ARHGAP21: variants seen among roughly 807,000 people sequenced by gnomAD.
The protein encoded by ARHGAP21 is rho GTPase-activating protein 21.
A neutral mutation model predicts 164.6 loss-of-function variants in ARHGAP21; 38 were observed. That is an observed-to-expected ratio of 0.23 (90% CI 0.18 to 0.30). The LOEUF is 0.30. Ranked by LOEUF, ARHGAP21 falls within the 10% of genes least tolerant of loss-of-function variation. The pLI, the probability that ARHGAP21 is intolerant of heterozygous loss-of-function variation, is 1.00. For missense variants in ARHGAP21, 1,822 were observed against 2,370.7 expected (o/e 0.77, Z 4.81); for synonymous variants, 766 against 857.9 (o/e 0.89, Z 1.87).
intron 4 of ARHGAP21, among the ~76,000 whole-genome samples, chr10:24,660,787 T>G (rs1839606569): frequency 6.6e-6 from 1 of 152,214 alleles, no homozygotes; most frequent in Non-Finnish European, 1.5e-5. Flanking sequence ...TCTCTGAATA[T>G]TTCCTTTTAT....
chr10:24,589,328 T>G, intron 24 of ARHGAP21, 26 bp from the exon 25 acceptor site: 1 of 1,600,780 alleles, frequency 6.2e-7, no homozygotes, highest in South Asian at 1.1e-5. Context: ...TAAAACATGG[T>G]CAGTATTAGC....
At chr10:24,631,159 T>C (rs796716625) in intron 6 of ARHGAP21, among the ~76,000 whole-genome samples, 3 of 152,100 alleles carry the variant, frequency 2.0e-5, no homozygotes, top group African/African-American at 7.2e-5. Flanking sequence ...AGGTCAGGAG[T>C]TCGAGACCAG....
rs778048970 is a variant in ARHGAP21 at position 24,585,172 on chromosome 10, T to C, written c.5117A>G (p.Lys1706Arg). 5.6e-6 allele frequency: 9 copies of C among 1,610,454 alleles called. No homozygotes were observed. In the Admixed American group the frequency reaches 1.5e-4, roughly 27 times the overall value. ...ATCTGACTTGAATCTAGCTGATTTT[T>C]TCCTGGAAAGAGTATCACATTCGAT... ...KLIECDTLSR[K>R]KSARFKSDSG... Residue 1706 changes from lysine (K) to arginine (R), a missense_variant, in exon 26 of 26, where the codon AAA becomes AGA. By Grantham distance (26) the Lys-to-Arg change is conservative. Around this residue, in one of 5 missense-constraint regions of ARHGAP21, gnomAD observed 117 missense variants for 193.2 expected, o/e 0.61. Coordinates refer to ENST00000396432, the MANE Select transcript of ARHGAP21 (RefSeq NM_020824.4).
rs1836486033 is a variant in ARHGAP21 at position 24,637,355 on chromosome 10, A to C, written c.269-2252T>G. Among the ~76,000 whole-genome samples the C allele has an allele frequency of 2.0e-5, 3 of 152,218 alleles. No homozygotes were observed. In the South Asian group the frequency reaches 6.2e-4, roughly 31 times the overall value. ...TCAGTCTGTGGTCAATCTAATATTTACAATAGTTGGCATTAAAGAAAAAAC... is the reference window on the plus strand; with the variant it reads ...TCAGTCTGTGGTCAATCTAATATTTCCAATAGTTGGCATTAAAGAAAAAAC... On this transcript the variant is annotated intron_variant, in intron 4 of 25. Coordinates refer to ENST00000396432, the MANE Select transcript of ARHGAP21 (RefSeq NM_020824.4).
At chr10:24,594,456 A>AT (rs1384520325) in intron 21 of ARHGAP21, among the ~76,000 whole-genome samples, 2 of 152,316 alleles carry the variant, frequency 1.3e-5, no homozygotes, top group East Asian at 3.9e-4. Context: ...CCTGGGCAAC[A>AT]TGGTGAGACC....
At chr10:24,677,150 G>A (rs935816699) in intron 2 of ARHGAP21, among the ~76,000 whole-genome samples, 2 of 152,182 alleles carry the variant, frequency 1.3e-5, no homozygotes, top group Non-Finnish European at 2.9e-5. Flanking sequence ...AACCCAGGAG[G>A]CGGAGGTTGC....
intron 9 of ARHGAP21, among the ~76,000 whole-genome samples, chr10:24,609,360 G>A (rs1593008002): frequency 6.6e-6 from 1 of 152,154 alleles, no homozygotes; most frequent in Non-Finnish European, 1.5e-5. Flanking sequence ...GAACATTTCT[G>A]AAACACACTG....
rs1292890650 is a variant in ARHGAP21 at position 24,591,310 on chromosome 10, G to T, written c.4065C>A (p.Ser1355Arg). 3.1e-6 allele frequency: 5 copies of T among 1,613,152 alleles called. No individual in the cohort carries two copies. Among genetic ancestry groups the T allele is most frequent in the Middle Eastern group, 1.8e-4 (1 of 5,526 alleles). ...EEPLTTVQEE[S>R]TVDSQPVPNI... ...TTGGCACTGGCTGGGAGTCTACTGT[G>T]CTTTCCTCCTGCACTGTTGTCTATG... The change falls in exon 24 of 26, where the codon AGC becomes AGA. Residue 1355 changes from serine to arginine, a missense_variant. By Grantham distance (110) the Ser-to-Arg change is moderately radical (BLOSUM62 -1). Around this residue, in one of 5 missense-constraint regions of ARHGAP21, gnomAD observed 333 missense variants for 383.9 expected, o/e 0.87. Transcript: ENST00000396432.
intron 2 of ARHGAP21, among the ~76,000 whole-genome samples, chr10:24,699,317 AATTATT>A (rs998968827): frequency 4.0e-5 from 6 of 151,356 alleles, no homozygotes; most frequent in African/African-American, 9.7e-5. Flanking sequence ...ACATCTTTAG[AATTATT>A]ATTATTATTA....
chr10:24,656,073 A>G (rs1317579219), intron 4 of ARHGAP21, among the ~76,000 whole-genome samples: 214 of 124,154 alleles, frequency 1.7e-3, no homozygotes, highest in African/African-American at 3.7e-3. Flanking sequence ...GCCCCGTCTA[A>G]GAAGTGAGGA....
intron 23 of ARHGAP21, 77 bp downstream of exon 23, chr10:24,591,565 G>A: frequency 1.3e-6 from 2 of 1,544,036 alleles, no homozygotes; most frequent in South Asian, 2.2e-5. Context: ...AAAGCAGGAA[G>A]TTGACATTGT....
At chr10:24,705,641 T>C (rs1273683636) in intron 2 of ARHGAP21, among the ~76,000 whole-genome samples, 1 of 152,230 alleles carries the variant, frequency 6.6e-6, no homozygotes, top group Non-Finnish European at 1.5e-5. Context: ...GCTTTATTTA[T>C]CATTCATTGC....
intron 2 of ARHGAP21, among the ~76,000 whole-genome samples, chr10:24,702,888 A>T (rs1389996204): frequency 6.6e-6 from 1 of 152,252 alleles, no homozygotes; most frequent in Non-Finnish European, 1.5e-5. Flanking sequence ...AACAGGAAAC[A>T]GTTTAAAACA....
intron 4 of ARHGAP21, among the ~76,000 whole-genome samples, chr10:24,660,908 G>A (rs765113065): frequency 1.3e-5 from 2 of 151,946 alleles, no homozygotes; most frequent in East Asian, 3.9e-4. Context: ...GCTAAATATC[G>A]GATGTTCTGC....
chr10:24,666,855 A>T (rs1418679745), intron 4 of ARHGAP21, 130 bp downstream of exon 4: 3 of 571,512 alleles, frequency 5.2e-6, no homozygotes, highest in Non-Finnish European at 8.9e-6. Context: ...TAATTCTATG[A>T]CTCTCACACC....
chr10:24,694,989 TGCAGTGA>T (rs1436487939), intron 2 of ARHGAP21, among the ~76,000 whole-genome samples: 1 of 122,570 alleles, frequency 8.2e-6, no homozygotes, highest in African/African-American at 3.2e-5. Flanking sequence ...AGGTGGAGGT[TGCAGTGA>T]GCTGAGATGG....
intron 2 of ARHGAP21, among the ~76,000 whole-genome samples, chr10:24,686,536 A>G (rs1366375033): frequency 2.6e-5 from 4 of 152,228 alleles, no homozygotes; most frequent in Non-Finnish European, 5.9e-5. Context: ...TACAGCTCCT[A>G]AAGTCATGAC....
At chr10:24,610,280 G>C (rs1444428463) in intron 9 of ARHGAP21, among the ~76,000 whole-genome samples, 1 of 151,954 alleles carries the variant, frequency 6.6e-6, no homozygotes, top group Non-Finnish European at 1.5e-5. Context: ...GGGAAGCTGA[G>C]GCAGGAGAAT....
At chr10:24,720,643 G>A (rs2132346599) in intron 2 of ARHGAP21, among the ~76,000 whole-genome samples, 2 of 152,330 alleles carry the variant, frequency 1.3e-5, no homozygotes, top group South Asian at 4.1e-4. Flanking sequence ...TAAGCTGCAT[G>A]AAGCAAGTTT....
Sources: allele counts gnomAD v4.1 joint callset (sites outside exome capture counted in the v4.1 genomes callset), GRCh38; gene constraint gnomAD v4.1.1; regional missense constraint gnomAD v4.1.1; transcripts MANE v1.5; gene names NCBI Gene and HGNC (gene_info 2026-07-23, HGNC 2026-07-21).